TNFRSF12A: variants seen among roughly 807,000 people sequenced by gnomAD.
TNFRSF12A encodes the protein tumor necrosis factor receptor superfamily member 12A.
A neutral mutation model predicts 15.5 loss-of-function variants in TNFRSF12A; 13 were observed. That is an observed-to-expected ratio of 0.84 (90% CI 0.54 to 1.33). The LOEUF is 1.33. Among genes scored for constraint, TNFRSF12A ranks in the 40% most tolerant of loss-of-function variants. The probability of loss-of-function intolerance (pLI) is 0.00; values close to 1 mark genes in which losing one functional copy is unlikely to be tolerated. For missense variants in TNFRSF12A, 174 were observed against 173.6 expected, an observed-to-expected ratio of 1.00 and a Z score of -0.01; for synonymous variants, 89 against 78.4, an observed-to-expected ratio of 1.14 and a Z score of -0.71.
rs2072624513 is a variant in TNFRSF12A at position 3,022,370 on chromosome 16, TCTTTAA to T, written c.*551_*556del. Reference sequence around the variant, plus strand: ...GAGGGAGAATTTATTAATAAAAGAATCTTTAACTTTAAATGGTTTGGAGAGGCAGTG... The same window carrying T: ...GAGGGAGAATTTATTAATAAAAGAATCTTTAAATGGTTTGGAGAGGCAGTG... On this transcript the variant is annotated 3_prime_UTR_variant, in exon 4 of 4. Transcript: ENST00000326577. 5.6e-6 allele frequency: 1 copy of T among 179,968 alleles called. No individual in the cohort carries two copies. The allele number at this position is 179,968 out of a possible 1,614,324, so 11.1% of individuals were successfully genotyped here. A position where few individuals can be genotyped will look rare whatever the true frequency, so the allele number is the denominator to read the frequency against.
chr16:3,021,881 T>G lies in TNFRSF12A; in HGVS notation c.*55T>G. 6.3e-7 allele frequency: 1 copy of G among 1,583,884 alleles called. No individual in the cohort carries two copies. The highest frequency in any genetic ancestry group is 1.1e-5 in the South Asian group (1 of 88,858). On this transcript the variant is annotated 3_prime_UTR_variant, in exon 4 of 4. Transcript: ENST00000326577. ...CCACTCATCATTCATTCATCCATTC[T>G]AGAGCCAGTCTCTGCCTCCCAGACG...
In TNFRSF12A at chr16:3,021,271, G is replaced by A. The variant is rs752477135; in HGVS notation, c.151G>A (p.Asp51Asn). The A allele has an allele frequency of 5.0e-6, 8 of 1,593,878 alleles. No homozygotes were observed. The African/African-American group carries it at 6.7e-5, about 13-fold the overall frequency. The change falls in exon 2 of 4, where the codon GAC becomes AAC. Residue 51 changes from aspartate (D) to asparagine (N), a missense_variant. By Grantham distance (23) the Asp-to-Asn change is conservative. Transcript: ENST00000326577. ...SWSADLDKCMDCASCRARPHS... is the reference protein window; with the variant it reads ...SWSADLDKCMNCASCRARPHS... ...GAGCGCGGACCTGGACAAGTGCATG[G>A]ACTGCGCGTCTTGCAGGGCGCGACC...
In TNFRSF12A at chr16:3,021,419, T is replaced by G; in HGVS notation, c.199+100T>G. Reference sequence around the variant, plus strand: ...CGAGAGCTTTGCATCTGGGAAATCATTCGGGAGGAGGTGGGAGCTGGGAGG... The same window carrying G: ...CGAGAGCTTTGCATCTGGGAAATCAGTCGGGAGGAGGTGGGAGCTGGGAGG... On this transcript the variant is annotated intron_variant, in intron 2 of 3. Coordinates refer to ENST00000326577, the MANE Select transcript of TNFRSF12A (RefSeq NM_016639.3). 8 of 1,411,860 alleles carry G rather than the reference T, an allele frequency of 5.7e-6. No homozygotes were observed. In the South Asian group the frequency reaches 7.2e-5, roughly 13 times the overall value. 87.5% of individuals were successfully genotyped at this position (1,411,860 alleles called of 1,614,324 possible).
chr16:3,020,487 G>A lies in TNFRSF12A; in HGVS notation c.90G>A (p.Ala30=). The A allele has an allele frequency of 2.3e-6, 3 of 1,293,306 alleles. No individual in the cohort carries two copies. Among genetic ancestry groups the A allele is most frequent in the Non-Finnish European group, 2.9e-6 (3 of 1,019,354 alleles). The allele number at this position is 1,293,306 out of a possible 1,614,324, so 80.1% of individuals were successfully genotyped here. ...ALLRSVAGEQ[A]PGTAPCSRGS... ...TGCGCTCCGTGGCCGGGGAGCAAGC[G>A]CCAGGTACGCGGGACTCCGGGGTCG... is the stretch of plus-strand genomic sequence containing the variant. The change falls in exon 1 of 4, where the codon GCG becomes GCA. Residue 30 remains alanine, a synonymous_variant. Coordinates refer to ENST00000326577, the MANE Select transcript of TNFRSF12A (RefSeq NM_016639.3).
In TNFRSF12A at chr16:3,021,626, G is replaced by A. The variant is rs144286329; in HGVS notation, c.271G>A (p.Val91Met). Reference sequence around the variant, plus strand: ...TGGGGGCGCTCTGAGCCTGACCTTCGTGCTGGGGCTGCTTTCTGGCTTTTT... The same window carrying A: ...TGGGGGCGCTCTGAGCCTGACCTTCATGCTGGGGCTGCTTTCTGGCTTTTT... ...ILGGALSLTF[V>M]LGLLSGFLVW... The change falls in exon 3 of 4, where the codon GTG (valine) becomes ATG (methionine). Residue 91 changes from valine to methionine, a missense_variant. By Grantham distance (21) the Val-to-Met change is conservative (BLOSUM62 1). Transcript: ENST00000326577. 8.1e-6 allele frequency: 13 copies of A among 1,613,544 alleles called. No homozygotes were observed. In the African/African-American group the frequency reaches 1.5e-4, roughly 18 times the overall value.
chr16:3,021,726 T>C, intron 3 of TNFRSF12A, 37 bp downstream of exon 3: 1 of 1,611,210 alleles, frequency 6.2e-7, no homozygotes, highest in South Asian at 1.1e-5. Flanking sequence ...CTGTCAGCAC[T>C]CGACCTTTTC....
At chr16:3,021,085 G>A in intron 1 of TNFRSF12A, 130 bp from the exon 2 acceptor site, 1 of 518,596 alleles carries the variant, frequency 1.9e-6, no homozygotes, top group Non-Finnish European at 3.3e-6. Context: ...GTCGGGCCGT[G>A]CGGTCACCTG....
intron 1 of TNFRSF12A, chr16:3,020,827 C>CTA (rs924755623): frequency 1.5e-5 from 6 of 409,060 alleles, no homozygotes; most frequent in Admixed American, 1.3e-4. Context: ...CAGGGTCTAA[C>CTA]TAGCCCCAGT....
chr16:3,020,478 G>T lies in TNFRSF12A; in HGVS notation c.81G>T (p.Gly27=). 5.4e-6 allele frequency: 7 copies of T among 1,294,430 alleles called. No individual in the cohort carries two copies. Among genetic ancestry groups the T allele is most frequent in the Non-Finnish European group, 6.9e-6 (7 of 1,019,960 alleles). The allele number at this position is 1,294,430 out of a possible 1,614,324, so 80.2% of individuals were successfully genotyped here. The part of the protein sequence containing the change: ...LWLALLRSVA[G]EQAPGTAPCS... The stretch of plus-strand genomic sequence containing the variant: ...TGGCGTTGCTGCGCTCCGTGGCCGG[G>T]GAGCAAGCGCCAGGTACGCGGGACT... Residue 27 remains glycine, a synonymous_variant, in exon 1 of 4, where the codon GGG becomes GGT. Transcript: ENST00000326577.
intron 2 of TNFRSF12A, 108 bp from the exon 3 acceptor site, chr16:3,021,447 G>T (rs1021395628): frequency 3.5e-6 from 5 of 1,428,734 alleles, no homozygotes; most frequent in Admixed American, 5.3e-5. Context: ...CTGGGAGGGG[G>T]CTCCGGTCAG....
intron 3 of TNFRSF12A, 33 bp from the exon 4 acceptor site, chr16:3,021,738 C>G: frequency 6.2e-7 from 1 of 1,611,326 alleles, no homozygotes; most frequent in Non-Finnish European, 8.5e-7. Context: ...GACCTTTTCT[C>G]TGCTGCTGAC....
Position 3,020,942 on chromosome 16 carries a change from G to C in TNFRSF12A, c.95-273G>C, listed in dbSNP as rs2072604382. On this transcript the variant is annotated intron_variant, in intron 1 of 3. Coordinates refer to ENST00000326577, the MANE Select transcript of TNFRSF12A (RefSeq NM_016639.3). Reference sequence around the variant, plus strand: ...GTGACTTCAGTGCCCAGCTATGCGGGGGGAGGGACTGGGGTCGGGCCCGGT... The same window carrying C: ...GTGACTTCAGTGCCCAGCTATGCGGCGGGAGGGACTGGGGTCGGGCCCGGT... 3 of 474,892 alleles carry C rather than the reference G, an allele frequency of 6.3e-6. No individual in the cohort carries two copies. In the Middle Eastern group the frequency reaches 1.6e-3, roughly 254 times the overall value. 29.4% of individuals were successfully genotyped at this position (474,892 alleles called of 1,614,324 possible). A position where few individuals can be genotyped will look rare whatever the true frequency, so the allele number is the denominator to read the frequency against.
intron 1 of TNFRSF12A, chr16:3,020,963 C>T: frequency 2.1e-6 from 1 of 477,848 alleles, no homozygotes; most frequent in Non-Finnish European, 3.7e-6. Flanking sequence ...GGGGTCGGGC[C>T]CGGTGCCCAG....
Position 3,022,278 on chromosome 16 carries a change from A to G in TNFRSF12A, c.*452A>G, listed in dbSNP as rs988234132. ...CTGGCCCACTAGGAGGGCTGGCCCT[A>G]AGATACAGACCCCCCCAACTCCCCA... is the stretch of plus-strand genomic sequence containing the variant. On this transcript the variant is annotated 3_prime_UTR_variant, in exon 4 of 4. Coordinates refer to ENST00000326577, the MANE Select transcript of TNFRSF12A (RefSeq NM_016639.3). 6.7e-6 allele frequency: 2 copies of G among 298,858 alleles called. No homozygotes were observed. Among genetic ancestry groups the G allele is most frequent in the Non-Finnish European group, 1.2e-5 (2 of 162,584 alleles). 18.5% of individuals were successfully genotyped at this position (298,858 alleles called of 1,614,324 possible). A position where few individuals can be genotyped will look rare whatever the true frequency, so the allele number is the denominator to read the frequency against.
At position 3,021,251 on chromosome 16, in the gene TNFRSF12A, C is replaced by T. The variant is rs1044982860; in HGVS notation, c.131C>T (p.Ala44Val). The T allele has an allele frequency of 3.1e-6, 5 of 1,592,538 alleles. No individual in the cohort carries two copies. The South Asian group carries it at 4.5e-5, about 14-fold the overall frequency. The change falls in exon 2 of 4, where the codon GCG becomes GTG. Residue 44 changes from alanine to valine, a missense_variant. Physicochemically the swap from Ala to Val is moderately conservative, Grantham distance 64. Coordinates refer to ENST00000326577, the MANE Select transcript of TNFRSF12A (RefSeq NM_016639.3). ...TGCTCCCGCGGCAGCTCCTGGAGCGCGGACCTGGACAAGTGCATGGACTGC... is the reference window on the plus strand; with the variant it reads ...TGCTCCCGCGGCAGCTCCTGGAGCGTGGACCTGGACAAGTGCATGGACTGC... ...APCSRGSSWSADLDKCMDCAS... is the reference protein window; with the variant it reads ...APCSRGSSWSVDLDKCMDCAS...
At chr16:3,021,157 C>T (rs762444544) in intron 1 of TNFRSF12A, 58 bp from the exon 2 acceptor site, 2 of 939,964 alleles carry the variant, frequency 2.1e-6, no homozygotes, top group South Asian at 1.7e-5. Flanking sequence ...ACCCTGACCT[C>T]AGACCCCAGA....
At position 3,021,592 on chromosome 16, in the gene TNFRSF12A, G is replaced by A. The variant is rs1474938715; in HGVS notation, c.237G>A (p.Trp79Ter). 1.2e-6 allele frequency: 2 copies of A among 1,613,088 alleles called. No homozygotes were observed. The highest frequency in any genetic ancestry group is 1.3e-5 in the African/African-American group (1 of 75,058). The change falls in exon 3 of 4, where the codon TGG becomes TGA. Residue 79 changes from tryptophan to a stop codon, truncating the protein, a stop_gained. Transcript: ENST00000326577. LOFTEE classifies it high-confidence loss of function. ...AAPPAPFRLL[W>*]PILGGALSLT... Reference sequence around the variant, plus strand: ...CTCCTGCCCCCTTCCGGCTGCTTTGGCCCATCCTTGGGGGCGCTCTGAGCC... The same window carrying A: ...CTCCTGCCCCCTTCCGGCTGCTTTGACCCATCCTTGGGGGCGCTCTGAGCC...
At position 3,021,264 on chromosome 16, in the gene TNFRSF12A, G is replaced by C. The variant is rs920761323; in HGVS notation, c.144G>C (p.Lys48Asn). Reference sequence around the variant, plus strand: ...GCTCCTGGAGCGCGGACCTGGACAAGTGCATGGACTGCGCGTCTTGCAGGG... The same window carrying C: ...GCTCCTGGAGCGCGGACCTGGACAACTGCATGGACTGCGCGTCTTGCAGGG... ...RGSSWSADLD[K>N]CMDCASCRAR... The change falls in exon 2 of 4, where the codon AAG becomes AAC. Residue 48 changes from lysine (K) to asparagine (N), a missense_variant. Transcript: ENST00000326577. 1.1e-5 allele frequency: 18 copies of C among 1,593,954 alleles called. No individual in the cohort carries two copies. Among genetic ancestry groups the C allele is most frequent in the Non-Finnish European group, 1.4e-5 (17 of 1,175,150 alleles).
rs768677482 is a variant in TNFRSF12A at position 3,020,430 on chromosome 16, G to A, written c.33G>A (p.Arg11=). 1.7e-5 allele frequency: 22 copies of A among 1,293,074 alleles called. No homozygotes were observed. In the African/African-American group the frequency reaches 3.2e-4, roughly 19 times the overall value. The allele number at this position is 1,293,074 out of a possible 1,614,324, so 80.1% of individuals were successfully genotyped here. A position where few individuals can be genotyped will look rare whatever the true frequency, so the allele number is the denominator to read the frequency against. MARGSLRRLL[R]LLVLGLWLAL... is the part of the protein sequence containing the mutation. ...GGGGCTCGCTGCGCCGGTTGCTGCGGCTCCTCGTGCTGGGGCTCTGGCTGG... is the reference window on the plus strand; with the variant it reads ...GGGGCTCGCTGCGCCGGTTGCTGCGACTCCTCGTGCTGGGGCTCTGGCTGG... The change falls in exon 1 of 4, where the codon CGG becomes CGA. Residue 11 remains arginine (R), a synonymous_variant. Transcript: ENST00000326577.
Sources: gnomAD v4.1 joint callset for allele counts on GRCh38, gnomAD v4.1.1 for gene constraint, MANE v1.5 for transcripts, NCBI Gene and HGNC (gene_info 2026-07-23, HGNC 2026-07-21) for gene names.